Variants in CDHR2 observed in about 807,000 individuals in gnomAD.
The protein encoded by CDHR2 is cadherin related family member 2.
Under a neutral mutation model 138.6 loss-of-function variants are expected in CDHR2, and 104 were observed. That is an observed-to-expected ratio of 0.75 (90% CI 0.64 to 0.88). The LOEUF (loss-of-function observed/expected upper bound fraction) is 0.88. Ranked by LOEUF, CDHR2 falls within the 40% of genes least tolerant of loss-of-function variation. CDHR2 has a pLI of 0.00. For missense variants in CDHR2, 1,624 were observed against 1,727.6 expected (o/e 0.94, Z 1.06); for synonymous variants, 755 against 742.8 (o/e 1.02, Z -0.27).
intron 20 of CDHR2, 101 bp from the exon 21 acceptor site, chr5:176,586,692 C>A: frequency 9.6e-7 from 1 of 1,036,966 alleles, no homozygotes; most frequent in African/African-American, 1.6e-5. Context: ...AGGTTGAGGG[C>A]AGGTTTAGGG....
At chr5:176,555,303 G>C (rs988874529) in intron 1 of CDHR2, among the ~76,000 whole-genome samples, 1 of 152,202 alleles carries the variant, frequency 6.6e-6, no homozygotes, top group Admixed American at 6.5e-5. Context: ...GGGGCCACGG[G>C]AGGCCTGCCT....
intron 3 of CDHR2, among the ~76,000 whole-genome samples, chr5:176,567,735 C>T (rs1396717583): frequency 1.3e-5 from 2 of 152,144 alleles, no homozygotes; most frequent in Non-Finnish European, 2.9e-5. Context: ...TCAAGTGATC[C>T]GCCCACCTCC....
chr5:176,583,646 T>C (rs892608871), intron 17 of CDHR2, among the ~76,000 whole-genome samples: 1 of 151,892 alleles, frequency 6.6e-6, no homozygotes, highest in Non-Finnish European at 1.5e-5. Context: ...AAACAGCTGG[T>C]GTCTGAGGCA....
intron 1 of CDHR2, among the ~76,000 whole-genome samples, chr5:176,550,798 C>T (rs913565054): frequency 3.3e-5 from 5 of 152,226 alleles, no homozygotes; most frequent in Non-Finnish European, 5.9e-5. Flanking sequence ...CTGGGCAGTC[C>T]GGGTATCCTC....
At chr5:176,566,355 G>T (rs972093603) in intron 3 of CDHR2, among the ~76,000 whole-genome samples, 1 of 152,208 alleles carries the variant, frequency 6.6e-6, no homozygotes, top group African/African-American at 2.4e-5. Context: ...TGGCAGCGGT[G>T]CAGGAACGAA....
chr5:176,573,178 G>T (rs1404154483), intron 6 of CDHR2, among the ~76,000 whole-genome samples: 2 of 152,100 alleles, frequency 1.3e-5, no homozygotes, highest in Non-Finnish European at 2.9e-5. Context: ...TGTGGCTGGA[G>T]GGGGAGGGTG....
rs751976393 is a variant in CDHR2, at chr5:176,592,707, A to G, written c.3735-16A>G. 1.0e-4 allele frequency: 167 copies of G among 1,613,476 alleles called. 1 individual carries two copies. In the South Asian group the frequency reaches 1.5e-3, roughly 15 times the overall value. The stretch of plus-strand genomic sequence containing the variant: ...CTGGGCCTGCCAACACCTGAGCTCC[A>G]TCACCTCTCTTACAGCGTCAACTCC... On this transcript the variant is annotated splice_polypyrimidine_tract_variant and intron_variant, in intron 30 of 31. Coordinates refer to ENST00000261944, the MANE Select transcript of CDHR2 (RefSeq NM_017675.6).
At chr5:176,565,771 A>C (rs1302242788) in intron 3 of CDHR2, 28 bp downstream of exon 3, 3 of 1,593,932 alleles carry the variant, frequency 1.9e-6, no homozygotes, top group Non-Finnish European at 2.6e-6. Context: ...TGTCTGCCCC[A>C]TGTCAGGTCC....
intron 1 of CDHR2, among the ~76,000 whole-genome samples, chr5:176,549,792 T>C (rs1344037462): frequency 6.6e-6 from 1 of 152,214 alleles, no homozygotes; most frequent in Non-Finnish European, 1.5e-5. Flanking sequence ...TTACCCCAGC[T>C]GCTCGGTTCA....
At chr5:176,564,832 A>G (rs1390297242) in intron 1 of CDHR2, among the ~76,000 whole-genome samples, 1 of 151,880 alleles carries the variant, frequency 6.6e-6, no homozygotes, top group Non-Finnish European at 1.5e-5. Flanking sequence ...TAGTCTCTGG[A>G]TGGTCCTGGA....
Position 176,591,237 on chromosome 5 carries a change from G to C in CDHR2, c.3567G>C (p.Lys1189Asn), listed in dbSNP as rs1326425417. ...ACAACCGGAAGCTTCAAGCTATGAA[G>C]GCTGCCAAGGAGGCCAGGAAGACAG... ...KSYNRKLQAM[K>N]AAKEARKTAA... is the part of the protein sequence containing the mutation. Residue 1189 changes from lysine to asparagine, a missense_variant, in exon 29 of 32, where the codon AAG becomes AAC. Around this residue, in one of 3 missense-constraint regions of CDHR2, gnomAD observed 556 missense variants for 565.7 expected, o/e 0.98. Coordinates refer to ENST00000261944, the MANE Select transcript of CDHR2 (RefSeq NM_017675.6). The C allele has an allele frequency of 6.2e-7, 1 of 1,613,892 alleles. No homozygotes were observed. Among genetic ancestry groups the C allele is most frequent in the South Asian group, 1.1e-5 (1 of 91,074 alleles).
chr5:176,592,613 A>G, intron 30 of CDHR2, 110 bp from the exon 31 acceptor site: 2 of 817,472 alleles, frequency 2.4e-6, no homozygotes, highest in South Asian at 1.4e-5. Flanking sequence ...GATGGTGATG[A>G]TGGTGGTAGT....
At position 176,595,575 on chromosome 5, in the gene CDHR2, C is replaced by T; in HGVS notation, c.3836C>T (p.Pro1279Leu). The change falls in exon 32 of 32, where the codon CCC (proline) becomes CTC (leucine). Residue 1279 changes from proline to leucine, a missense_variant. This residue lies in a region of CDHR2 where 556 missense variants were observed against 565.7 expected (regional missense o/e 0.98). Transcript: ENST00000261944. ...ACACCACCAGAGCCAGATCCAGAGC[C>T]CCTGAGCGTGGTCCTGTTAGGACGG... ...PHTPPEPDPEPLSVVLLGRQA... is the reference protein window; with the variant it reads ...PHTPPEPDPELLSVVLLGRQA... The T allele has an allele frequency of 1.2e-6, 2 of 1,612,688 alleles. No individual in the cohort carries two copies. The highest frequency in any genetic ancestry group is 8.5e-7 in the Non-Finnish European group (1 of 1,179,202).
chr5:176,569,833 G>A (rs1229111623), intron 5 of CDHR2, among the ~76,000 whole-genome samples: 1 of 152,036 alleles, frequency 6.6e-6, no homozygotes, highest in Non-Finnish European at 1.5e-5. Context: ...GGTGGTACAC[G>A]CTTGTAATTC....
chr5:176,564,924 G>C (rs1758044775), intron 1 of CDHR2, among the ~76,000 whole-genome samples: 1 of 152,188 alleles, frequency 6.6e-6, no homozygotes, highest in African/African-American at 2.4e-5. Context: ...TATAGATGGT[G>C]CAGTGGTTGA....
intron 30 of CDHR2, 42 bp downstream of exon 30, chr5:176,591,526 G>T (rs778811910): frequency 7.0e-7 from 1 of 1,435,678 alleles, no homozygotes; most frequent in Admixed American, 1.7e-5. Context: ...GGTGGTGGTG[G>T]TACAGGTAGT....
chr5:176,589,190 CG>C lies in CDHR2; in HGVS notation c.3008+11del. On this transcript the variant is annotated intron_variant, in intron 22 of 31. Coordinates refer to ENST00000261944, the MANE Select transcript of CDHR2 (RefSeq NM_017675.6). ...GTTCGCTGGGAGCATTCAGTAACTG[CG>C]GGCGGCCCCGGGAGGGAGGTTGCGG... 1 of 1,613,840 alleles carries C rather than the reference CG, an allele frequency of 6.2e-7. No homozygotes were observed. The highest frequency in any genetic ancestry group is 1.3e-5 in the African/African-American group (1 of 75,032).
At position 176,565,762 on chromosome 5, in the gene CDHR2, G is replaced by A. The variant is rs748612882; in HGVS notation, c.124+19G>A. The stretch of plus-strand genomic sequence containing the variant: ...CCTGTGGGTGAGTCCCGGTCCCTGT[G>A]TCTGCCCCATGTCAGGTCCTGACCC... On this transcript the variant is annotated intron_variant, in intron 3 of 31. Coordinates refer to ENST00000261944, the MANE Select transcript of CDHR2 (RefSeq NM_017675.6). The A allele has an allele frequency of 5.0e-6, 8 of 1,607,334 alleles. No individual in the cohort carries two copies. The highest frequency in any genetic ancestry group is 6.0e-6 in the Non-Finnish European group (7 of 1,175,098).
Position 176,578,482 on chromosome 5 carries a change from G to A in CDHR2, c.1692G>A (p.Gly564=). The change falls in exon 16 of 32, where the codon GGG becomes GGA. Residue 564 remains glycine, a synonymous_variant. Transcript: ENST00000261944. ...TGACGCTGCAGGCCACAGACGGCGG[G>A]AACCTGTCCTCCTCCACCACACTGC... ...YYLTLQATDG[G]NLSSSTTLQI... 1 of 1,613,932 alleles carries A rather than the reference G, an allele frequency of 6.2e-7. No individual in the cohort carries two copies. The highest frequency in any genetic ancestry group is 8.5e-7 in the Non-Finnish European group (1 of 1,179,864).
Sources: gnomAD v4.1 joint callset for allele counts (sites outside exome capture counted in the v4.1 genomes callset) on GRCh38, gnomAD v4.1.1 for gene constraint, gnomAD v4.1.1 regional missense constraint, MANE v1.5 for transcripts, NCBI Gene and HGNC (gene_info 2026-07-23, HGNC 2026-07-21) for gene names.